MAOA: variants seen among roughly 807,000 people sequenced by gnomAD.
The protein encoded by MAOA is monoamine oxidase A.
Under a neutral mutation model 42.0 loss-of-function variants are expected in MAOA, and 6 were observed. The observed-to-expected ratio is 0.14, with a 90% CI of 0.08 to 0.28. The LOEUF (loss-of-function observed/expected upper bound fraction) is 0.28. Among genes scored for constraint, MAOA ranks in the 10% least tolerant of loss-of-function variants. MAOA has a pLI of 1.00. For missense variants in MAOA, 262 were observed against 422.3 expected (o/e 0.62, Z 3.33); for synonymous variants, 140 against 154.0 (o/e 0.91, Z 0.67).
Position 43,745,308 on chromosome X carries a change from C to T in MAOA, c.*795C>T, listed in dbSNP as rs1311797399. Reference sequence around the variant, plus strand: ...GGCAGGACTGTCCCCCAGGAGGACTCCCTGCTTAGCTCTGTGGGAGACCAA... The same window carrying T: ...GGCAGGACTGTCCCCCAGGAGGACTTCCTGCTTAGCTCTGTGGGAGACCAA... On this transcript the variant is annotated 3_prime_UTR_variant, in exon 15 of 15. Coordinates refer to ENST00000338702, the MANE Select transcript of MAOA (RefSeq NM_000240.4). The T allele has an allele frequency of 8.9e-6, 1 of 112,113 alleles. No individual in the cohort carries two copies. Among genetic ancestry groups the T allele is most frequent in the Non-Finnish European group, 1.9e-5 (1 of 53,285 alleles). 9.2% of individuals were successfully genotyped at this position (112,113 alleles called of 1,213,427 possible).
chrX:43,685,819 T>G (rs1471565668), intron 2 of MAOA, among the ~76,000 whole-genome samples: 1 of 111,920 alleles, frequency 8.9e-6, no homozygotes, highest in Non-Finnish European at 1.9e-5. Context: ...TTGCTTGCCT[T>G]AAACTAATGC....
At chrX:43,737,852 A>G (rs1342887490) in intron 10 of MAOA, among the ~76,000 whole-genome samples, 3 of 111,510 alleles carry the variant, frequency 2.7e-5, no homozygotes, top group Non-Finnish European at 5.7e-5. Context: ...CTAAGCTGAC[A>G]TTTTCTTTTG....
At chrX:43,740,806 A>G (rs371911264) in intron 11 of MAOA, 68 bp downstream of exon 11, 140 of 993,675 alleles carry the variant, frequency 1.4e-4, no homozygotes, top group Non-Finnish European at 1.8e-4. Flanking sequence ...AAAGCAAAGC[A>G]TATTCTGATT....
intron 9 of MAOA, among the ~76,000 whole-genome samples, chrX:43,733,589 G>A (rs2033898867): frequency 9.0e-6 from 1 of 111,710 alleles, no homozygotes; most frequent in African/African-American, 3.3e-5. Flanking sequence ...CAAATAAAAG[G>A]CGATTTATTC....
At chrX:43,700,377 G>A (rs1405629396) in intron 3 of MAOA, among the ~76,000 whole-genome samples, 1 of 112,367 alleles carries the variant, frequency 8.9e-6, no homozygotes, top group Non-Finnish European at 1.9e-5. Flanking sequence ...AACAGGCTCT[G>A]AAGTTGTAAG....
chrX:43,714,489 G>A (rs956165624), intron 5 of MAOA, among the ~76,000 whole-genome samples: 2 of 110,849 alleles, frequency 1.8e-5, no homozygotes, highest in Non-Finnish European at 3.8e-5. Context: ...AAGGGGCAAA[G>A]GGAAGGCAGG....
chrX:43,691,998 T>G (rs2033537608), intron 2 of MAOA, among the ~76,000 whole-genome samples: 1 of 51,279 alleles, frequency 2.0e-5, no homozygotes, highest in African/African-American at 8.2e-5. Context: ...TTGCACTGTA[T>G]AGACACACAC....
rs1362340668 is a variant in MAOA at position 43,741,952 on chromosome X, A to C, written c.1167A>C (p.Pro389=). ...TTTTCTTCCCCACTGAACTGCAGCC[A>C]GTGCATTATGAAGAGAAGAACTGGT... ...KVLGSQEALH[P]VHYEEKNWCE... is the part of the protein sequence containing the mutation. Residue 389 remains proline (P), a splice_region_variant and synonymous_variant, in exon 12 of 15, where the codon CCA becomes CCC. Coordinates refer to ENST00000338702, the MANE Select transcript of MAOA (RefSeq NM_000240.4). 1 of 1,211,850 alleles carries C rather than the reference A, an allele frequency of 8.3e-7. No homozygotes were observed. The highest frequency in any genetic ancestry group is 1.7e-5 in the African/African-American group (1 of 57,843).
At chrX:43,726,070 G>A (rs1007926760) in intron 5 of MAOA, among the ~76,000 whole-genome samples, 2 of 111,644 alleles carry the variant, frequency 1.8e-5, no homozygotes, top group African/African-American at 6.5e-5. Flanking sequence ...TCCTTTGTGG[G>A]TAACTCGACC....
intron 1 of MAOA, among the ~76,000 whole-genome samples, chrX:43,668,153 A>G (rs1404893303): frequency 1.8e-5 from 2 of 112,291 alleles, no homozygotes; most frequent in Non-Finnish European, 3.8e-5. Context: ...CCATGTCAAT[A>G]CTATGTTTTA....
chrX:43,669,549 T>A (rs1272365552), intron 1 of MAOA, among the ~76,000 whole-genome samples: 1 of 112,135 alleles, frequency 8.9e-6, no homozygotes, highest in East Asian at 2.8e-4. Flanking sequence ...TCCACTATGA[T>A]AATTTTCTCT....
chrX:43,681,882 T>A (rs183151986), intron 1 of MAOA, among the ~76,000 whole-genome samples: 3,627 of 80,809 alleles, frequency 0.045, 111 homozygotes, highest in African/African-American at 0.14. Context: ...ATATATATAT[T>A]TTTTTTTTTT....
Position 43,728,278 on chromosome X carries a change from C to A in MAOA, c.609C>A (p.Gly203=), listed in dbSNP as rs1317016750. ...TGTGGTATGTGAAGCAGTGCGGGGG[C>A]ACCACTCGGATATTCTCTGTCACCA... ...WFLWYVKQCG[G]TTRIFSVTNG... Residue 203 remains glycine (G), a synonymous_variant, in exon 6 of 15, where the codon GGC becomes GGA. Coordinates refer to ENST00000338702, the MANE Select transcript of MAOA (RefSeq NM_000240.4). 7.4e-6 allele frequency: 9 copies of A among 1,211,092 alleles called. No homozygotes were observed. In the South Asian group the frequency reaches 1.6e-4, roughly 21 times the overall value.
chrX:43,656,478 G>A, intron 1 of MAOA, 64 bp downstream of exon 1: 2 of 998,457 alleles, frequency 2.0e-6, no homozygotes, highest in Admixed American at 4.4e-5. Context: ...GGAACCTACA[G>A]TAGCTCTTGT....
At chrX:43,668,876 A>G (rs1417773788) in intron 1 of MAOA, among the ~76,000 whole-genome samples, 1 of 111,910 alleles carries the variant, frequency 8.9e-6, no homozygotes. Flanking sequence ...TTTAATTGAG[A>G]TTTCATTACA....
At chrX:43,682,498 G>A (rs750757658) in intron 1 of MAOA, among the ~76,000 whole-genome samples, 1 of 112,057 alleles carries the variant, frequency 8.9e-6, no homozygotes, top group African/African-American at 3.2e-5. Flanking sequence ...AAATGACATA[G>A]TGTTGGATTA....
Position 43,728,281 on chromosome X carries a change from C to T in MAOA, c.612C>T (p.Thr204=). 8.3e-7 allele frequency: 1 copy of T among 1,211,189 alleles called. No homozygotes were observed. Among genetic ancestry groups the T allele is most frequent in the African/African-American group, 1.7e-5 (1 of 57,666 alleles). ...GGTATGTGAAGCAGTGCGGGGGCAC[C>T]ACTCGGATATTCTCTGTCACCAATG... is the stretch of plus-strand genomic sequence containing the variant. ...FLWYVKQCGG[T]TRIFSVTNGG... The change falls in exon 6 of 15, where the codon ACC becomes ACT. Residue 204 remains threonine, a synonymous_variant. Transcript: ENST00000338702.
At chrX:43,659,883 G>A (rs1173097138) in intron 1 of MAOA, among the ~76,000 whole-genome samples, 1 of 110,624 alleles carries the variant, frequency 9.0e-6, no homozygotes, top group East Asian at 2.8e-4. Flanking sequence ...CTTTCTCTAT[G>A]ATGACCTCCC....
At chrX:43,730,577 C>G (rs146248239) in intron 6 of MAOA, among the ~76,000 whole-genome samples, 1 of 104,505 alleles carries the variant, frequency 9.6e-6, no homozygotes, top group Non-Finnish European at 2.0e-5. Context: ...CTGCAACCTC[C>G]GCCTCCTGGG....
Sources: allele counts gnomAD v4.1 joint callset (sites outside exome capture counted in the v4.1 genomes callset), GRCh38; gene constraint gnomAD v4.1.1; transcripts MANE v1.5; gene names NCBI Gene and HGNC (gene_info 2026-07-23, HGNC 2026-07-21).